The following RPS6KB1 variants were observed in gnomAD, a reference collection of about 807,000 sequenced individuals.
RPS6KB1 encodes ribosomal protein S6 kinase beta-1.
RPS6KB1 carries 12 observed loss-of-function variants against 70.2 expected under a neutral mutation model. That is an observed-to-expected ratio of 0.17 (90% CI 0.11 to 0.28). RPS6KB1 has a LOEUF of 0.28. Among genes scored for constraint, RPS6KB1 ranks in the 10% least tolerant of loss-of-function variants. The probability of loss-of-function intolerance (pLI) is 1.00; values close to 1 mark genes in which losing one functional copy is unlikely to be tolerated. For missense variants in RPS6KB1, 270 were observed against 646.6 expected, an observed-to-expected ratio of 0.42 and a Z score of 6.32; for synonymous variants, 175 against 211.2, an observed-to-expected ratio of 0.83 and a Z score of 1.49.
chr17:59,940,774 T>G, intron 12 of RPS6KB1, 62 bp from the exon 13 acceptor site: 1 of 984,592 alleles, frequency 1.0e-6, no homozygotes, highest in African/African-American at 1.6e-5. Context: ...GAGCTTACAG[T>G]GCATTTGATT....
At chr17:59,895,600 G>A (rs2041501690) in intron 1 of RPS6KB1, among the ~76,000 whole-genome samples, 1 of 152,012 alleles carries the variant, frequency 6.6e-6, no homozygotes, top group South Asian at 2.1e-4. Context: ...GGGATTACAG[G>A]TGTGAGCCAC....
chr17:59,945,343 A>G lies in RPS6KB1; in HGVS notation c.1228-63A>G, dbSNP rs1477507991. The G allele has an allele frequency of 3.5e-6, 3 of 854,450 alleles. No individual in the cohort carries two copies. The South Asian group carries it at 4.3e-5, about 12-fold the overall frequency. The allele number at this position is 854,450 out of a possible 1,614,324, so 52.9% of individuals were successfully genotyped here. The stretch of plus-strand genomic sequence containing the variant: ...TTGTGTAGGTATGTCAGACTGAACA[A>G]CCCCATTCTCTTGAGATACATGACA... On this transcript the variant is annotated intron_variant, in intron 13 of 14. Transcript: ENST00000225577.
chr17:59,922,762 T>G (rs1330897937), intron 4 of RPS6KB1, among the ~76,000 whole-genome samples: 1 of 151,926 alleles, frequency 6.6e-6, no homozygotes, highest in African/African-American at 2.4e-5. Context: ...GCCAGGATGG[T>G]CTCGATCTCT....
chr17:59,928,875 T>G (rs779416009), intron 5 of RPS6KB1, among the ~76,000 whole-genome samples: 1 of 152,156 alleles, frequency 6.6e-6, no homozygotes, highest in Non-Finnish European at 1.5e-5. Context: ...TTCCTTAGTA[T>G]TAGATTCAGG....
chr17:59,919,744 CT>C (rs1370762330), intron 4 of RPS6KB1, among the ~76,000 whole-genome samples: 1 of 151,936 alleles, frequency 6.6e-6, no homozygotes, highest in Non-Finnish European at 1.5e-5. Context: ...CCTTTTTGGT[CT>C]GTCTGTTCCT....
intron 1 of RPS6KB1, among the ~76,000 whole-genome samples, chr17:59,894,870 G>T (rs2041437268): frequency 6.6e-6 from 1 of 152,162 alleles, no homozygotes; most frequent in Non-Finnish European, 1.5e-5. Context: ...CTCCCAAAAT[G>T]CTGGGATTAT....
At chr17:59,941,211 A>G (rs2044559005) in intron 13 of RPS6KB1, among the ~76,000 whole-genome samples, 1 of 152,074 alleles carries the variant, frequency 6.6e-6, no homozygotes, top group African/African-American at 2.4e-5. Context: ...CAGACTTAAA[A>G]TGATGTTTGG....
At chr17:59,945,746 C>T (rs1238302855) in intron 14 of RPS6KB1, among the ~76,000 whole-genome samples, 2 of 152,126 alleles carry the variant, frequency 1.3e-5, no homozygotes, top group Non-Finnish European at 2.9e-5. Context: ...GGCAAATGTC[C>T]TCTTTATCCA....
At chr17:59,901,714 C>G (rs1229603249) in intron 1 of RPS6KB1, among the ~76,000 whole-genome samples, 1 of 150,816 alleles carries the variant, frequency 6.6e-6, no homozygotes. Flanking sequence ...CCCCAGGCAA[C>G]TAACCTATTT....
chr17:59,917,275 G>A (rs564937562), intron 4 of RPS6KB1, among the ~76,000 whole-genome samples: 1 of 151,426 alleles, frequency 6.6e-6, no homozygotes, highest in African/African-American at 2.4e-5. Flanking sequence ...CGCACCACCA[G>A]GCCTGGCTAA....
intron 13 of RPS6KB1, among the ~76,000 whole-genome samples, chr17:59,941,513 G>A (rs931335769): frequency 6.6e-6 from 1 of 151,814 alleles, no homozygotes; most frequent in Non-Finnish European, 1.5e-5. Flanking sequence ...TAGAGACAGA[G>A]TCTCACTATT....
chr17:59,905,130 A>G (rs1286996355), intron 1 of RPS6KB1, among the ~76,000 whole-genome samples: 2 of 151,236 alleles, frequency 1.3e-5, no homozygotes, highest in South Asian at 4.2e-4. Flanking sequence ...CAATCCTCCT[A>G]CCTCATCCTC....
chr17:59,902,961 G>A (rs1170276619), intron 1 of RPS6KB1, among the ~76,000 whole-genome samples: 2 of 151,926 alleles, frequency 1.3e-5, no homozygotes, highest in East Asian at 1.9e-4. Context: ...CAGGTGGATC[G>A]CTGGAGTCCA....
At chr17:59,924,831 A>T (rs1433430685) in intron 4 of RPS6KB1, among the ~76,000 whole-genome samples, 7 of 149,734 alleles carry the variant, frequency 4.7e-5, no homozygotes, top group African/African-American at 1.5e-4. Context: ...TTATTTATTT[A>T]TTTATTTATT....
At chr17:59,897,355 C>T (rs2041624105) in intron 1 of RPS6KB1, among the ~76,000 whole-genome samples, 1 of 152,204 alleles carries the variant, frequency 6.6e-6, no homozygotes, top group African/African-American at 2.4e-5. Context: ...AAGCAATTAG[C>T]TAGTTCACAG....
At position 59,934,464 on chromosome 17, in the gene RPS6KB1, C is replaced by T. The variant is rs750187252; in HGVS notation, c.810C>T (p.His270=). Residue 270 remains histidine, a synonymous_variant, in exon 9 of 15, where the codon CAC becomes CAT. Transcript: ENST00000225577. This position sits in a 1 kb window ranked among gnomAD's most constrained non-coding sequence, Gnocchi z 4.8. The stretch of plus-strand genomic sequence containing the variant: ...CTGAAATCTTGATGAGAAGTGGCCA[C>T]AATCGTGCTGTGGATTGGTGGAGTT... ...MAPEILMRSG[H]NRAVDWWSLG... The T allele has an allele frequency of 2.2e-5, 35 of 1,613,738 alleles. No individual in the cohort carries two copies. In the South Asian group the frequency reaches 3.7e-4, roughly 17 times the overall value.
At chr17:59,933,698 A>G (rs969114974) in intron 7 of RPS6KB1, among the ~76,000 whole-genome samples, 17 of 152,186 alleles carry the variant, frequency 1.1e-4, no homozygotes, top group Non-Finnish European at 2.1e-4. Context: ...ACCTTGTTAT[A>G]ATGAGTTTCT....
At chr17:59,901,270 C>G (rs1275782311) in intron 1 of RPS6KB1, among the ~76,000 whole-genome samples, 1 of 151,386 alleles carries the variant, frequency 6.6e-6, no homozygotes, top group African/African-American at 2.4e-5. Flanking sequence ...CTGCCTCAGC[C>G]TCCCGAGTAG....
chr17:59,922,779 C>T (rs1046793070), intron 4 of RPS6KB1, among the ~76,000 whole-genome samples: 13 of 151,458 alleles, frequency 8.6e-5, no homozygotes, highest in African/African-American at 1.5e-4. Flanking sequence ...CTCTTGACCC[C>T]GTGATCTAGC....
Sources: gnomAD v4.1 joint callset for allele counts (sites outside exome capture counted in the v4.1 genomes callset) on GRCh38, gnomAD v4.1.1 for gene constraint, Gnocchi (gnomAD v3.1) non-coding constraint, MANE v1.5 for transcripts, NCBI Gene and HGNC (gene_info 2026-07-23, HGNC 2026-07-21) for gene names.